The following CRACDL variants were observed in gnomAD, a reference collection of about 807,000 sequenced individuals.
The protein encoded by CRACDL is CRACD like.
CRACDL carries 26 observed loss-of-function variants against 70.6 expected under a neutral mutation model. The observed-to-expected ratio is 0.37, with a 90% CI of 0.27 to 0.51. The LOEUF is 0.51. Among genes scored for constraint, CRACDL ranks in the 20% least tolerant of loss-of-function variants. The probability of loss-of-function intolerance (pLI) is 0.94; values close to 1 mark genes in which losing one functional copy is unlikely to be tolerated. For missense variants in CRACDL, 1,283 were observed against 1,376.9 expected (o/e 0.93, Z 1.08); for synonymous variants, 618 against 615.2 (o/e 1.00, Z -0.07).
At chr2:98,796,982 A>G (rs559852698) in intron 8 of CRACDL, among the ~76,000 whole-genome samples, 1 of 152,324 alleles carries the variant, frequency 6.6e-6, no homozygotes, top group African/African-American at 2.4e-5. Flanking sequence ...AGCTGTCGAC[A>G]TCATTGCTGT....
At chr2:98,906,917 T>C (rs1400789113) in intron 1 of CRACDL, among the ~76,000 whole-genome samples, 1 of 152,200 alleles carries the variant, frequency 6.6e-6, no homozygotes, top group Non-Finnish European at 1.5e-5. Flanking sequence ...AGCAGTCTTA[T>C]TCCTAATGTA....
intron 1 of CRACDL, among the ~76,000 whole-genome samples, chr2:98,850,511 C>T (rs1216635996): frequency 6.6e-6 from 1 of 152,246 alleles, no homozygotes; most frequent in Non-Finnish European, 1.5e-5. Flanking sequence ...CACACGAAGA[C>T]AGTGCTTCTC....
intron 1 of CRACDL, among the ~76,000 whole-genome samples, chr2:98,883,891 T>C (rs1176689069): frequency 6.6e-6 from 1 of 152,208 alleles, no homozygotes; most frequent in African/African-American, 2.4e-5. Flanking sequence ...TTGCTCACTG[T>C]TATTTTTGGC....
intron 7 of CRACDL, among the ~76,000 whole-genome samples, chr2:98,817,823 A>T (rs552710274): frequency 5.9e-5 from 9 of 152,228 alleles, no homozygotes; most frequent in African/African-American, 2.2e-4. Context: ...AGATTAGCCA[A>T]TGCTGGTTAT....
intron 7 of CRACDL, among the ~76,000 whole-genome samples, chr2:98,798,861 T>A (rs1008342675): frequency 8.6e-5 from 13 of 152,042 alleles, no homozygotes; most frequent in Non-Finnish European, 1.3e-4. Flanking sequence ...CCAGTGAATT[T>A]TTTGTAGAGA....
At chr2:98,854,546 T>C (rs148258926) in intron 1 of CRACDL, among the ~76,000 whole-genome samples, 2,744 of 151,976 alleles carry the variant, frequency 0.018, 89 homozygotes, top group African/African-American at 0.062. Flanking sequence ...AAGTGACTGG[T>C]AGAGAGAAAA....
Position 98,823,045 on chromosome 2 carries a change from C to A in CRACDL, c.1228G>T (p.Asp410Tyr). 1.3e-6 allele frequency: 2 copies of A among 1,555,402 alleles called. No individual in the cohort carries two copies. The highest frequency in any genetic ancestry group is 1.7e-6 in the Non-Finnish European group (2 of 1,152,602). ...GGGTCAGTCTCGGGGGGAGTCGTGT[C>A]CCCCTCAGGGATGGCGGTGGGAAAC... ...SPFPTAIPEG[D>Y]TTPPETDPAA... Residue 410 changes from aspartate (D) to tyrosine (Y), a missense_variant, in exon 7 of 10, where the codon GAC becomes TAC. Asp to Tyr is a radical substitution (Grantham distance 160). Around this residue, in one of 2 missense-constraint regions of CRACDL, gnomAD observed 921 missense variants for 881.9 expected, o/e 1.04. Transcript: ENST00000397899. The surrounding 1 kb of genome is among the most constrained non-coding windows in gnomAD (Gnocchi z 4.0).
At chr2:98,888,853 G>T (rs1209311726) in intron 1 of CRACDL, among the ~76,000 whole-genome samples, 2 of 152,164 alleles carry the variant, frequency 1.3e-5, no homozygotes, top group African/African-American at 4.8e-5. Context: ...AACCAAGCCG[G>T]GCGCAGTGGC....
At chr2:98,842,241 T>G (rs1452872250) in intron 2 of CRACDL, among the ~76,000 whole-genome samples, 4 of 152,074 alleles carry the variant, frequency 2.6e-5, no homozygotes, top group African/African-American at 9.7e-5. Flanking sequence ...TTTGCATAAT[T>G]TCCTGTGATC....
chr2:98,831,829 C>A (rs571086525), intron 5 of CRACDL, among the ~76,000 whole-genome samples: 1 of 152,252 alleles, frequency 6.6e-6, no homozygotes, highest in South Asian at 2.1e-4. Flanking sequence ...GTCATCAGTT[C>A]CTCTCTTGCT....
chr2:98,886,810 G>A (rs1707808676), intron 1 of CRACDL, among the ~76,000 whole-genome samples: 1 of 151,430 alleles, frequency 6.6e-6, no homozygotes, highest in South Asian at 2.1e-4. Flanking sequence ...AATATTCTAA[G>A]TTGCCACATT....
At chr2:98,845,894 T>A (rs72811088) in intron 2 of CRACDL, among the ~76,000 whole-genome samples, 217 of 152,198 alleles carry the variant, frequency 1.4e-3, no homozygotes, top group Admixed American at 3.4e-3. Flanking sequence ...TAAGAAAAAA[T>A]CTATCTTTAA....
At chr2:98,912,491 T>G (rs1477438911) in intron 1 of CRACDL, among the ~76,000 whole-genome samples, 1 of 152,218 alleles carries the variant, frequency 6.6e-6, no homozygotes, top group Admixed American at 6.5e-5. Context: ...AGCTGCGGCT[T>G]TGCAAGGCCT....
intron 1 of CRACDL, among the ~76,000 whole-genome samples, chr2:98,862,412 G>A (rs1407294706): frequency 6.6e-6 from 1 of 152,054 alleles, no homozygotes; most frequent in Non-Finnish European, 1.5e-5. Context: ...GGAAAGTATG[G>A]ACCATCAAAG....
At chr2:98,889,796 A>G (rs80217404) in intron 1 of CRACDL, among the ~76,000 whole-genome samples, 4,499 of 152,350 alleles carry the variant, frequency 0.03, 165 homozygotes, top group South Asian at 0.17. Flanking sequence ...TTGAAAATTT[A>G]AATCATGCAA....
chr2:98,851,287 A>G (rs1204337884), intron 1 of CRACDL, among the ~76,000 whole-genome samples: 1 of 152,226 alleles, frequency 6.6e-6, no homozygotes, highest in Non-Finnish European at 1.5e-5. Context: ...TACCCAGGAC[A>G]GTGCCCGACC....
At chr2:98,928,116 T>C (rs572933605) in intron 1 of CRACDL, among the ~76,000 whole-genome samples, 132 of 151,466 alleles carry the variant, frequency 8.7e-4, no homozygotes, top group Non-Finnish European at 1.6e-3. Context: ...ACCCAGGAGG[T>C]GGAGGTTGCA....
chr2:98,802,085 G>A (rs189467392), intron 7 of CRACDL, among the ~76,000 whole-genome samples: 259 of 152,318 alleles, frequency 1.7e-3, no homozygotes, highest in African/African-American at 5.8e-3. Context: ...CATCGTCCAC[G>A]GGTTCCAGCA....
intron 1 of CRACDL, among the ~76,000 whole-genome samples, chr2:98,849,167 C>T (rs765370784): frequency 8.5e-5 from 13 of 152,172 alleles, no homozygotes; most frequent in East Asian, 3.9e-4. Context: ...AGAAGCCTTA[C>T]CCAGGGTCAG....
Sources: allele counts gnomAD v4.1 joint callset (sites outside exome capture counted in the v4.1 genomes callset), GRCh38; gene constraint gnomAD v4.1.1; regional missense constraint gnomAD v4.1.1; non-coding constraint Gnocchi (gnomAD v3.1); transcripts MANE v1.5; gene names NCBI Gene and HGNC (gene_info 2026-07-23, HGNC 2026-07-21).